FBN2: variants seen among roughly 807,000 people sequenced by gnomAD.
FBN2 encodes the protein fibrillin 2.
In FBN2, 105 loss-of-function variants were observed where a neutral mutation model predicts 355.6. The observed-to-expected ratio is 0.30, with a 90% CI of 0.25 to 0.35. FBN2 has a LOEUF of 0.35. Ranked by LOEUF, FBN2 falls within the 10% of genes least tolerant of loss-of-function variation. FBN2 has a pLI of 1.00. For missense variants in FBN2, 3,280 were observed against 3,758.7 expected (o/e 0.87, Z 3.33); for synonymous variants, 1,350 against 1,301.2 (o/e 1.04, Z -0.81).
At chr5:128,499,764 ACT>A (rs963782374) in intron 5 of FBN2, among the ~76,000 whole-genome samples, 2 of 151,912 alleles carry the variant, frequency 1.3e-5, no homozygotes, top group African/African-American at 4.8e-5. Context: ...TTCTAACTAA[ACT>A]CTCTACTGTG....
chr5:128,411,477 T>C (rs1222972478), intron 7 of FBN2, among the ~76,000 whole-genome samples: 2 of 152,022 alleles, frequency 1.3e-5, no homozygotes, highest in African/African-American at 2.4e-5. Context: ...CCCCTGGAGT[T>C]TGGTCATCCC....
intron 38 of FBN2, 62 bp from the exon 39 acceptor site, chr5:128,311,487 T>TA (rs1750055441): frequency 6.4e-6 from 10 of 1,566,078 alleles, no homozygotes; most frequent in Non-Finnish European, 7.9e-6. Context: ...GAGTTAATAT[T>TA]AGAGCTTTCA....
In FBN2 at chr5:128,362,549, C is replaced by T. The variant is rs1751664022; in HGVS notation, c.2429-701G>A. Among the ~76,000 whole-genome samples the T allele has an allele frequency of 3.9e-5, 6 of 152,188 alleles. No individual in the cohort carries two copies. In the South Asian group the frequency reaches 1.2e-3, roughly 32 times the overall value. The stretch of plus-strand genomic sequence containing the variant: ...GATCACAGCTCACTGAAGCTTTGAA[C>T]TTCTTGGCTCAAGCAATCCTCCTGC... On this transcript the variant is annotated intron_variant, in intron 18 of 64. Coordinates refer to ENST00000262464, the MANE Select transcript of FBN2 (RefSeq NM_001999.4).
At chr5:128,394,410 T>A (rs1312020473) in intron 9 of FBN2, among the ~76,000 whole-genome samples, 2 of 152,190 alleles carry the variant, frequency 1.3e-5, no homozygotes, top group East Asian at 3.9e-4. Flanking sequence ...CATACTCTTG[T>A]ATGATTAATT....
rs1751722158 is a variant in FBN2 at position 128,364,681 on chromosome 5, T to A, written c.2347A>T (p.Ile783Phe). 3.1e-6 allele frequency: 5 copies of A among 1,613,316 alleles called. No homozygotes were observed. Among genetic ancestry groups the A allele is most frequent in the Non-Finnish European group, 3.4e-6 (4 of 1,179,340 alleles). Reference sequence around the variant, plus strand: ...TAACTACCACGTAAGTTTTCACAAATCCCATTGGCACATATATCAGGATCC... The same window carrying A: ...TAACTACCACGTAAGTTTTCACAAAACCCATTGGCACATATATCAGGATCC... ...ALDPDICANG[I>F]CENLRGSYRC... The change falls in exon 18 of 65, where the codon ATT (isoleucine) becomes TTT (phenylalanine). Residue 783 changes from isoleucine to phenylalanine, a missense_variant. By Grantham distance (21) the Ile-to-Phe change is conservative (BLOSUM62 0). This residue lies in a region of FBN2 where 2,284 missense variants were observed against 2,749.5 expected (regional missense o/e 0.83). Transcript: ENST00000262464.
chr5:128,293,576 T>A (rs1749397445), intron 48 of FBN2, among the ~76,000 whole-genome samples: 2 of 152,044 alleles, frequency 1.3e-5, no homozygotes, highest in South Asian at 4.1e-4. Flanking sequence ...GAAAACGAAA[T>A]ATTTCTGAAA....
chr5:128,414,042 T>C (rs1438891611), intron 7 of FBN2, among the ~76,000 whole-genome samples: 2 of 152,170 alleles, frequency 1.3e-5, no homozygotes, highest in African/African-American at 2.4e-5. Flanking sequence ...CAATGGAAAA[T>C]TGATGTCTGC....
intron 7 of FBN2, among the ~76,000 whole-genome samples, chr5:128,434,477 A>G (rs1753725549): frequency 6.9e-6 from 1 of 144,080 alleles, no homozygotes; most frequent in African/African-American, 2.7e-5. Context: ...TCTAGGTATT[A>G]CATTTCAAGT....
At chr5:128,514,024 ATGTGTGTGTG>A (rs568979356) in intron 5 of FBN2, among the ~76,000 whole-genome samples, 1 of 87,110 alleles carries the variant, frequency 1.1e-5, no homozygotes, top group African/African-American at 1.2e-4. Context: ...AAGTGCAGAA[ATGTGTGTGTG>A]TGTGTGTGTG....
intron 45 of FBN2, among the ~76,000 whole-genome samples, chr5:128,304,644 C>A (rs1470848048): frequency 6.6e-6 from 1 of 152,156 alleles, no homozygotes; most frequent in Non-Finnish European, 1.5e-5. Flanking sequence ...ATGGTAAGTT[C>A]CACACAAGCC....
At chr5:128,437,738 T>C (rs1291476612) in intron 7 of FBN2, among the ~76,000 whole-genome samples, 1 of 151,732 alleles carries the variant, frequency 6.6e-6, no homozygotes, top group African/African-American at 2.4e-5. Flanking sequence ...GAGAGTAGTC[T>C]AGATAGATAA....
chr5:128,432,292 C>T (rs991629713), intron 7 of FBN2, among the ~76,000 whole-genome samples: 1 of 151,700 alleles, frequency 6.6e-6, no homozygotes, highest in Non-Finnish European at 1.5e-5. Flanking sequence ...CCTATTTGTC[C>T]GTGGGCCACT....
Position 128,345,591 on chromosome 5 carries a change from C to T in FBN2, c.2990-7G>A. On this transcript the variant is annotated splice_region_variant and splice_polypyrimidine_tract_variant and intron_variant, in intron 23 of 64. Coordinates refer to ENST00000262464, the MANE Select transcript of FBN2 (RefSeq NM_001999.4). ...CACTGCTCCATGCGAATATCTACAC[C>T]GAGAACGAAATCACAGGGTGAGAAT... 2 of 1,609,266 alleles carry T rather than the reference C, an allele frequency of 1.2e-6. No homozygotes were observed. The highest frequency in any genetic ancestry group is 1.7e-6 in the Non-Finnish European group (2 of 1,175,606).
At chr5:128,432,887 A>G (rs1210682036) in intron 7 of FBN2, among the ~76,000 whole-genome samples, 1 of 152,048 alleles carries the variant, frequency 6.6e-6, no homozygotes, top group East Asian at 1.9e-4. Context: ...GAAACTTACA[A>G]TCATGGCAGA....
intron 49 of FBN2, 93 bp from the exon 50 acceptor site, chr5:128,290,977 A>G (rs2126821487): frequency 3.3e-6 from 4 of 1,218,972 alleles, no homozygotes; most frequent in Non-Finnish European, 2.4e-6. Context: ...TGCAGACTAG[A>G]TCAGCAGTTA....
intron 61 of FBN2, 52 bp from the exon 62 acceptor site, chr5:128,272,170 T>C: frequency 6.2e-7 from 1 of 1,610,854 alleles, no homozygotes; most frequent in Non-Finnish European, 8.5e-7. Flanking sequence ...TCTACTATTT[T>C]TAAATGCACT....
At chr5:128,408,517 T>C (rs755281357) in intron 8 of FBN2, among the ~76,000 whole-genome samples, 157 bp downstream of exon 8, 1 of 152,214 alleles carries the variant, frequency 6.6e-6, no homozygotes, top group Non-Finnish European at 1.5e-5. Context: ...AAAGAGTACC[T>C]GGTCTATCAA....
intron 42 of FBN2, 100 bp downstream of exon 42, chr5:128,307,035 A>G: frequency 1.2e-6 from 1 of 803,488 alleles, no homozygotes; most frequent in Non-Finnish European, 2.2e-6. Flanking sequence ...ATCCCAGATT[A>G]TTATATTTTG....
chr5:128,263,574 G>C lies in FBN2; in HGVS notation c.8043C>G (p.Pro2681=), dbSNP rs149502195. The C allele has an allele frequency of 1.2e-6, 2 of 1,614,136 alleles. No individual in the cohort carries two copies. Among genetic ancestry groups the C allele is most frequent in the East Asian group, 4.5e-5 (2 of 44,870 alleles). Reference sequence around the variant, plus strand: ...AGAACTGGTCGAAGGAGAACCCCGAGGGGCAGGCGCACTTGTAACTCCCCA... The same window carrying C: ...AGAACTGGTCGAAGGAGAACCCCGACGGGCAGGCGCACTTGTAACTCCCCA... ...NTLGSYKCAC[P]SGFSFDQFSS... is the part of the protein sequence containing the mutation. The change falls in exon 63 of 65, where the codon CCC becomes CCG. Residue 2681 remains proline (P), a synonymous_variant. Transcript: ENST00000262464.
Sources: gnomAD v4.1 joint callset for allele counts (sites outside exome capture counted in the v4.1 genomes callset) on GRCh38, gnomAD v4.1.1 for gene constraint, gnomAD v4.1.1 regional missense constraint, MANE v1.5 for transcripts, NCBI Gene and HGNC (gene_info 2026-07-23, HGNC 2026-07-21) for gene names.